Variants in MTHFD1L observed in about 807,000 individuals in gnomAD.
MTHFD1L encodes methylenetetrahydrofolate dehydrogenase (NADP+ dependent) 1 like.
A neutral mutation model predicts 119.5 loss-of-function variants in MTHFD1L; 81 were observed. The ratio of observed to expected loss-of-function variants is 0.68; its 90% CI spans 0.57 to 0.82. The LOEUF is 0.82. MTHFD1L is among the 40% of genes least tolerant of loss of function. MTHFD1L has a pLI of 0.00. For synonymous variants in MTHFD1L, 430 were observed against 475.2 expected (o/e 0.90, Z 1.24); for missense variants, 1,125 against 1,253.4 (o/e 0.90, Z 1.55).
At chr6:151,051,912 G>A (rs759842807) in intron 26 of MTHFD1L, among the ~76,000 whole-genome samples, 3 of 152,236 alleles carry the variant, frequency 2.0e-5, no homozygotes, top group Admixed American at 6.5e-5. Context: ...GGACTGAGGC[G>A]GGAGGCCTGG....
At chr6:150,953,704 T>C (rs1426267313) in intron 16 of MTHFD1L, among the ~76,000 whole-genome samples, 1 of 152,178 alleles carries the variant, frequency 6.6e-6, no homozygotes, top group East Asian at 1.9e-4. Context: ...CTGATTCTAG[T>C]TGATCTTGCC....
intron 27 of MTHFD1L, among the ~76,000 whole-genome samples, chr6:151,095,690 C>T (rs1384253497): frequency 6.6e-6 from 1 of 152,236 alleles, no homozygotes. Flanking sequence ...TTGTGCTAAG[C>T]ACTTTGCATG....
At chr6:151,001,961 G>A (rs1780683333) in intron 20 of MTHFD1L, among the ~76,000 whole-genome samples, 1 of 152,234 alleles carries the variant, frequency 6.6e-6, no homozygotes, top group East Asian at 1.9e-4. Context: ...AAGGAAGGAG[G>A]ATCATAAAGA....
In MTHFD1L at chr6:151,034,450, A is replaced by G. The variant is rs1271161281; in HGVS notation, c.2587-43A>G. The G allele has an allele frequency of 2.2e-6, 3 of 1,337,680 alleles. No individual in the cohort carries two copies. In the African/African-American group the frequency reaches 4.4e-5, roughly 19 times the overall value. The allele number at this position is 1,337,680 out of a possible 1,614,324, so 82.9% of individuals were successfully genotyped here. On this transcript the variant is annotated intron_variant, in intron 24 of 27. Transcript: ENST00000367321. ...TAAAGTTTTTAAAAAATCTTTAACC[A>G]GATTAAACTTATACAATTTTGTTAT...
At position 150,866,347 on chromosome 6, in the gene MTHFD1L, C is replaced by G. The variant is rs1187440191; in HGVS notation, c.227+298C>G. On this transcript the variant is annotated intron_variant, in intron 1 of 27. Transcript: ENST00000367321. The stretch of plus-strand genomic sequence containing the variant: ...CGCCCGGCTCCACGTGCGCAGCCGG[C>G]CGCCGGCTCTGATGCAATCGCGCCG... 2.1e-6 allele frequency: 3 copies of G among 1,437,736 alleles called. No homozygotes were observed. The African/African-American group carries it at 4.5e-5, about 21-fold the overall frequency. The allele number at this position is 1,437,736 out of a possible 1,614,324, so 89.1% of individuals were successfully genotyped here. A position where few individuals can be genotyped will look rare whatever the true frequency, so the allele number is the denominator to read the frequency against.
rs575568299 is a variant in MTHFD1L at position 151,048,829 on chromosome 6, AC to A, written c.2847+11713del. Among the ~76,000 whole-genome samples the A allele has an allele frequency of 1.6e-3, 245 of 152,310 alleles. 1 individual carries two copies. The highest frequency in any genetic ancestry group is 0.011 in the South Asian group (53 of 4,826). ...AACTGTTTTTCCCTTGTACTTTCAC[AC>A]TCAACAATAGCACGCTTCTGTGGCT... On this transcript the variant is annotated intron_variant, in intron 26 of 27. Coordinates refer to ENST00000367321, the MANE Select transcript of MTHFD1L (RefSeq NM_015440.5).
rs140686419 is a variant in MTHFD1L at position 150,950,829 on chromosome 6, G to A, written c.1726+1696G>A. Among the ~76,000 whole-genome samples the A allele has an allele frequency of 4.0e-5, 6 of 151,834 alleles. No homozygotes were observed. The South Asian group carries it at 6.2e-4, about 16-fold the overall frequency. ...GGATTACAGGCACACACCACCACAC[G>A]TGGCTAATTTTTGTATTTTACTAGA... is the stretch of plus-strand genomic sequence containing the variant. On this transcript the variant is annotated intron_variant, in intron 16 of 27. Transcript: ENST00000367321.
rs1441857587 is a variant in MTHFD1L at position 150,960,371 on chromosome 6, G to A, written c.1900G>A (p.Val634Met). 1.2e-6 allele frequency: 2 copies of A among 1,613,856 alleles called. No homozygotes were observed. Among genetic ancestry groups the A allele is most frequent in the Admixed American group, 3.3e-5 (2 of 59,986 alleles). ...DMKARLGRMV[V>M]ASDKSGQPVT... ...GAAGGCACGGCTGGGAAGGATGGTG[G>A]TGGCCAGTGACAAAAGCGGGCAGCC... Residue 634 changes from valine to methionine, a missense_variant, in exon 18 of 28, where the codon GTG (valine) becomes ATG (methionine). This residue lies in a region of MTHFD1L where 1,058 missense variants were observed against 1,151.2 expected (regional missense o/e 0.92). Transcript: ENST00000367321.
chr6:150,997,102 G>A (rs1779899538), intron 20 of MTHFD1L, among the ~76,000 whole-genome samples: 1 of 152,172 alleles, frequency 6.6e-6, no homozygotes, highest in Non-Finnish European at 1.5e-5. Flanking sequence ...CCTGGGCGCT[G>A]TCCCAGCTCT....
At chr6:150,942,330 A>G (rs1203593734) in intron 13 of MTHFD1L, among the ~76,000 whole-genome samples, 1 of 152,192 alleles carries the variant, frequency 6.6e-6, no homozygotes, top group Non-Finnish European at 1.5e-5. Context: ...ACAAAATTGG[A>G]TTTTTCAAAA....
At chr6:150,880,263 C>T (rs1229500734) in intron 4 of MTHFD1L, among the ~76,000 whole-genome samples, 1 of 152,164 alleles carries the variant, frequency 6.6e-6, no homozygotes, top group East Asian at 1.9e-4. Flanking sequence ...TTCCCCTCCC[C>T]CATCCCTCTC....
chr6:150,923,369 T>C (rs1789332424), intron 10 of MTHFD1L, among the ~76,000 whole-genome samples: 1 of 152,086 alleles, frequency 6.6e-6, no homozygotes. Context: ...GTCATCTGTG[T>C]CTGTCCCACT....
At chr6:151,032,653 CTGAG>C (rs1201650675) in intron 24 of MTHFD1L, among the ~76,000 whole-genome samples, 2 of 152,174 alleles carry the variant, frequency 1.3e-5, no homozygotes, top group East Asian at 1.9e-4. Flanking sequence ...TTGCATTGAA[CTGAG>C]TAAGTTTCAG....
At chr6:150,951,454 T>C (rs117874551) in intron 16 of MTHFD1L, among the ~76,000 whole-genome samples, 15,319 of 152,304 alleles carry the variant, frequency 0.1, 1,045 homozygotes, top group Non-Finnish European at 0.15. Flanking sequence ...TTCATAGTTT[T>C]TTGTGTGCAT....
chr6:151,022,133 C>G (rs2128504485), intron 24 of MTHFD1L: 2 of 463,894 alleles, frequency 4.3e-6, no homozygotes, highest in South Asian at 1.6e-5. Flanking sequence ...ACTTCACGCT[C>G]TCACTGCCCA....
At chr6:151,015,439 G>T in intron 23 of MTHFD1L, 77 bp from the exon 24 acceptor site, 1 of 1,502,056 alleles carries the variant, frequency 6.7e-7, no homozygotes, top group South Asian at 1.3e-5. Flanking sequence ...GCGAAGTTCT[G>T]TATAAATGGT....
At chr6:150,869,957 A>T (rs1779119995) in intron 1 of MTHFD1L, among the ~76,000 whole-genome samples, 1 of 151,986 alleles carries the variant, frequency 6.6e-6, no homozygotes. Flanking sequence ...TTTAGTAGAG[A>T]CGGGGTTTCA....
chr6:150,882,538 A>T lies in MTHFD1L; in HGVS notation c.418-224A>T, dbSNP rs183812425. ...AGAAAGGCAGAGAAGTCACTAAAAAATTCAGCCAAGCCTTTTAATTTTTTT... is the reference window on the plus strand; with the variant it reads ...AGAAAGGCAGAGAAGTCACTAAAAATTTCAGCCAAGCCTTTTAATTTTTTT... On this transcript the variant is annotated intron_variant, in intron 4 of 27. Transcript: ENST00000367321. Among the ~76,000 whole-genome samples, 123 of 152,288 alleles carry T rather than the reference A, an allele frequency of 8.1e-4. 1 individual carries two copies. Among genetic ancestry groups the T allele is most frequent in the African/African-American group, 2.9e-3 (119 of 41,566 alleles).
chr6:151,101,351 G>C (rs1007509219), intron 27 of MTHFD1L, among the ~76,000 whole-genome samples, 175 bp from the exon 28 acceptor site: 2 of 151,998 alleles, frequency 1.3e-5, no homozygotes, highest in Non-Finnish European at 2.9e-5. Context: ...GCTTCTCCAC[G>C]TCTGCTAAGT....
Sources: allele counts gnomAD v4.1 joint callset (sites outside exome capture counted in the v4.1 genomes callset), GRCh38; gene constraint gnomAD v4.1.1; regional missense constraint gnomAD v4.1.1; transcripts MANE v1.5; gene names NCBI Gene and HGNC (gene_info 2026-07-23, HGNC 2026-07-21).